The following ST6GALNAC3 variants were observed in gnomAD, a reference collection of about 807,000 sequenced individuals.
The protein encoded by ST6GALNAC3 is ST6 N-acetylgalactosaminide alpha-2,6-sialyltransferase 3.
ST6GALNAC3 carries 25 observed loss-of-function variants against 32.7 expected under a neutral mutation model. That is an observed-to-expected ratio of 0.76 (90% CI 0.56 to 1.07). The LOEUF (loss-of-function observed/expected upper bound fraction) is 1.07. Ranked by LOEUF, ST6GALNAC3 falls within the 50% of genes least tolerant of loss-of-function variation. The pLI, the probability that ST6GALNAC3 is intolerant of heterozygous loss-of-function variation, is 0.00. For synonymous variants in ST6GALNAC3, 129 were observed against 133.1 expected (o/e 0.97, Z 0.21); for missense variants, 355 against 382.4 (o/e 0.93, Z 0.60).
chr1:76,450,115 T>C (rs1356820295), intron 3 of ST6GALNAC3, among the ~76,000 whole-genome samples: 1 of 152,232 alleles, frequency 6.6e-6, no homozygotes, highest in Non-Finnish European at 1.5e-5. Flanking sequence ...CTGGATCAAA[T>C]GGTAGTTCTA....
At chr1:76,292,876 A>G (rs1245886742) in intron 1 of ST6GALNAC3, among the ~76,000 whole-genome samples, 1 of 152,192 alleles carries the variant, frequency 6.6e-6, no homozygotes, top group Non-Finnish European at 1.5e-5. Context: ...ATATGAAGTC[A>G]AAATCTACCT....
chr1:76,449,228 C>A (rs954774491), intron 3 of ST6GALNAC3, among the ~76,000 whole-genome samples: 3 of 152,138 alleles, frequency 2.0e-5, no homozygotes, highest in African/African-American at 7.2e-5. Context: ...TATGGTTTAT[C>A]CATGTCTTTT....
chr1:76,389,011 C>CTTT lies in ST6GALNAC3; in HGVS notation c.214-22997_214-22996insTTT, dbSNP rs138986165. ...GGTGTGGTTGTTAGTTGGTATATTTCCTTTTTTTTTTTTTTTTGAGACAGA... is the reference window on the plus strand; with the variant it reads ...GGTGTGGTTGTTAGTTGGTATATTTCTTTCTTTTTTTTTTTTTTTTGAGACAGA... On this transcript the variant is annotated intron_variant, in intron 2 of 4. Coordinates refer to ENST00000328299, the MANE Select transcript of ST6GALNAC3 (RefSeq NM_152996.4). Among the ~76,000 whole-genome samples, 66 of 107,912 alleles carry CTTT rather than the reference C, an allele frequency of 6.1e-4. 6 individuals are homozygous for CTTT. Among genetic ancestry groups the CTTT allele is most frequent in the Admixed American group, 1.2e-3 (12 of 10,210 alleles). The allele number at this position is 107,912 out of a possible 152,430, so 70.8% of individuals were successfully genotyped here. A position where few individuals can be genotyped will look rare whatever the true frequency, so the allele number is the denominator to read the frequency against.
intron 1 of ST6GALNAC3, among the ~76,000 whole-genome samples, chr1:76,126,264 A>G (rs1649234279): frequency 6.6e-6 from 1 of 152,126 alleles, no homozygotes; most frequent in South Asian, 2.1e-4. Flanking sequence ...CCTGCCCTCT[A>G]TATTTATTTC....
rs150906618 is a variant in ST6GALNAC3 at position 76,478,116 on chromosome 1, C to G, written c.623+65699C>G. On this transcript the variant is annotated intron_variant, in intron 3 of 4. Transcript: ENST00000328299. The stretch of plus-strand genomic sequence containing the variant: ...ATAGCTCACTCATTTCTACCTTCCT[C>G]CAGGTCTCATGAACATGCACAGTCC... 5.1e-4 allele frequency among the ~76,000 whole-genome samples: 78 copies of G among 152,276 alleles called. 1 individual carries two copies. The East Asian group carries it at 0.015, about 28-fold the overall frequency.
intron 3 of ST6GALNAC3, among the ~76,000 whole-genome samples, chr1:76,614,663 G>A (rs1648162277): frequency 6.9e-6 from 1 of 144,264 alleles, no homozygotes; most frequent in Admixed American, 7.1e-5. Context: ...AGCTTGCAGT[G>A]AGCAGAGATG....
intron 3 of ST6GALNAC3, among the ~76,000 whole-genome samples, chr1:76,527,367 G>A (rs1011173647): frequency 6.6e-6 from 1 of 151,994 alleles, no homozygotes; most frequent in African/African-American, 2.4e-5. Flanking sequence ...CAAGCTTATT[G>A]TCCATTTCAA....
At chr1:76,636,815 G>A (rs1649516700), downstream of ST6GALNAC3, 3 of 152,028 alleles carry the variant, frequency 2.0e-5, no homozygotes, top group South Asian at 6.2e-4. Context: ...TTTGTCCATT[G>A]AGAAAGATTA....
At chr1:76,184,452 T>C (rs1653403316) in intron 1 of ST6GALNAC3, among the ~76,000 whole-genome samples, 1 of 150,880 alleles carries the variant, frequency 6.6e-6, no homozygotes, top group Non-Finnish European at 1.5e-5. Flanking sequence ...GGCAGGAGAA[T>C]TGCTTGAACC....
At chr1:76,085,778 C>G (rs1646957188) in intron 1 of ST6GALNAC3, among the ~76,000 whole-genome samples, 1 of 152,158 alleles carries the variant, frequency 6.6e-6, no homozygotes, top group African/African-American at 2.4e-5. Flanking sequence ...ACATCCAGCT[C>G]AATGAACAGT....
intron 3 of ST6GALNAC3, among the ~76,000 whole-genome samples, chr1:76,480,555 G>T (rs905252639): frequency 1.3e-5 from 2 of 152,086 alleles, no homozygotes; most frequent in African/African-American, 4.8e-5. Context: ...TCCTGTAGGG[G>T]TACATAGTGC....
At chr1:76,328,390 C>G (rs980580888) in intron 2 of ST6GALNAC3, among the ~76,000 whole-genome samples, 1 of 152,134 alleles carries the variant, frequency 6.6e-6, no homozygotes, top group African/African-American at 2.4e-5. Flanking sequence ...ACATCTGGAC[C>G]AAGTACAAAA....
At chr1:76,310,486 G>C (rs1646740512) in intron 1 of ST6GALNAC3, among the ~76,000 whole-genome samples, 1 of 152,140 alleles carries the variant, frequency 6.6e-6, no homozygotes, top group South Asian at 2.1e-4. Flanking sequence ...CGAGATGGAG[G>C]GCTGGGGCTT....
chr1:76,598,667 G>A (rs562745615), intron 3 of ST6GALNAC3, among the ~76,000 whole-genome samples: 66 of 151,566 alleles, frequency 4.4e-4, no homozygotes, highest in South Asian at 1.0e-3. Context: ...TTCTATATTC[G>A]TGATTCAGAT....
Position 76,630,863 on chromosome 1 carries a change from A to G in ST6GALNAC3, c.*2057A>G, listed in dbSNP as rs1649262447. ...GAAATGCCCACTCAAAGAAAAATAA[A>G]CAGAGACAAATGTTAAAATTGCCAT... On this transcript the variant is annotated 3_prime_UTR_variant, in exon 5 of 5. Coordinates refer to ENST00000328299, the MANE Select transcript of ST6GALNAC3 (RefSeq NM_152996.4). The G allele has an allele frequency of 1.0e-6, 1 of 985,710 alleles. No homozygotes were observed. The highest frequency in any genetic ancestry group is 1.2e-6 in the Non-Finnish European group (1 of 829,840). The allele number at this position is 985,710 out of a possible 1,614,324, so 61.1% of individuals were successfully genotyped here. A position where few individuals can be genotyped will look rare whatever the true frequency, so the allele number is the denominator to read the frequency against.
At chr1:76,389,497 G>A (rs1403178049) in intron 2 of ST6GALNAC3, among the ~76,000 whole-genome samples, 2 of 152,184 alleles carry the variant, frequency 1.3e-5, no homozygotes, top group Non-Finnish European at 2.9e-5. Context: ...GCAGTGTCTT[G>A]CTTTGTGTGA....
At chr1:76,079,125 G>A (rs922176068) in intron 1 of ST6GALNAC3, among the ~76,000 whole-genome samples, 1 of 152,094 alleles carries the variant, frequency 6.6e-6, no homozygotes, top group Non-Finnish European at 1.5e-5. Flanking sequence ...TGTCTTCTTG[G>A]GCCCCAGAGC....
chr1:76,410,637 C>G (rs72678037), intron 2 of ST6GALNAC3, among the ~76,000 whole-genome samples: 16,484 of 152,122 alleles, frequency 0.11, 1,089 homozygotes, highest in East Asian at 0.27. Context: ...ATTCTAACCC[C>G]TGGAACTGTG....
chr1:76,589,265 T>G lies in ST6GALNAC3; in HGVS notation c.624-38187T>G, dbSNP rs139955721. 2.4e-4 allele frequency among the ~76,000 whole-genome samples: 36 copies of G among 152,328 alleles called. No individual in the cohort carries two copies. In the East Asian group the frequency reaches 7.0e-3, roughly 29 times the overall value. Reference sequence around the variant, plus strand: ...TGGGGAGTTTTCATTAGGGCTAAACTATTTCACATGACAAGTACTTTTACA... The same window carrying G: ...TGGGGAGTTTTCATTAGGGCTAAACGATTTCACATGACAAGTACTTTTACA... On this transcript the variant is annotated intron_variant, in intron 3 of 4. Coordinates refer to ENST00000328299, the MANE Select transcript of ST6GALNAC3 (RefSeq NM_152996.4).
Sources: allele counts gnomAD v4.1 joint callset (sites outside exome capture counted in the v4.1 genomes callset), GRCh38; gene constraint gnomAD v4.1.1; transcripts MANE v1.5; gene names NCBI Gene and HGNC (gene_info 2026-07-23, HGNC 2026-07-21).